OR4K2: variants seen among roughly 807,000 people sequenced by gnomAD.
OR4K2 encodes olfactory receptor 4K2.
OR4K2 carries 8 observed loss-of-function variants against 10.5 expected under a neutral mutation model. The ratio of observed to expected loss-of-function variants is 0.76; its 90% confidence interval spans 0.45 to 1.37. The LOEUF (loss-of-function observed/expected upper bound fraction) is 1.37, where lower values mean the gene tolerates loss of function less well. OR4K2 is among the 40% of genes most tolerant of loss of function. The pLI is 0.00. For synonymous variants in OR4K2, 178 were observed against 133.6 expected (o/e 1.33, Z -2.29); for missense variants, 547 against 379.5 (o/e 1.44, Z -3.67).
chr14:19,877,187 A>T lies in OR4K2; in HGVS notation c.920A>T (p.Asn307Ile), dbSNP rs12883767. The T allele has an allele frequency of 0.43, 657,429 of 1,517,176 alleles. 102,209 individuals are homozygous for T. The highest frequency in any genetic ancestry group is 0.48 in the Non-Finnish European group (529,854 of 1,115,004). The allele number at this position is 1,517,176 out of a possible 1,614,324, so 94.0% of individuals were successfully genotyped here. ...AGGAAACTGAAAAATAGGTTTCTAA[A>T]TTTTAATAAGGCAATGCCTTCATAG... The part of the protein sequence containing the change: ...AMRKLKNRFL[N>I]FNKAMPS Residue 307 changes from asparagine to isoleucine, a missense_variant, in exon 2 of 2, where the codon AAT (asparagine) becomes ATT (isoleucine). Transcript: ENST00000641885.
chr14:19,876,358 T>C lies in OR4K2; in HGVS notation c.91T>C (p.Phe31Leu). The stretch of plus-strand genomic sequence containing the variant: ...ACTACAGATGTTTTTCTTTATGGTG[T>C]TTTCATTGCTTTATGTGGCAACAAT... ...WELQMFFFMV[F>L]SLLYVATMVG... The change falls in exon 2 of 2, where the codon TTT becomes CTT. Residue 31 changes from phenylalanine to leucine, a missense_variant. Phe to Leu is a conservative substitution (Grantham distance 22). Coordinates refer to ENST00000641885, the MANE Select transcript of OR4K2 (RefSeq NM_001005501.2). 6.2e-7 allele frequency: 1 copy of C among 1,614,104 alleles called. No individual in the cohort carries two copies. The highest frequency in any genetic ancestry group is 1.6e-4 in the Middle Eastern group (1 of 6,062).
rs1881090219 is a variant in OR4K2, at chr14:19,883,546, T to C, written c.*6334T>C. 6.6e-6 allele frequency: 1 copy of C among 152,266 alleles called. No individual in the cohort carries two copies. The highest frequency in any genetic ancestry group is 1.5e-5 in the Non-Finnish European group (1 of 68,052). 9.4% of individuals were successfully genotyped at this position (152,266 alleles called of 1,614,324 possible). On this transcript the variant is annotated 3_prime_UTR_variant, in exon 2 of 2. Coordinates refer to ENST00000641885, the MANE Select transcript of OR4K2 (RefSeq NM_001005501.2). The stretch of plus-strand genomic sequence containing the variant: ...TCACTCACCCTAGCATACCATATAA[T>C]TAGAAGTTTGGAACTGATCTTTTAA...
Position 19,876,034 on chromosome 14 carries a change from A to G in OR4K2, c.-124A>G, listed in dbSNP as rs573958324. ...TATCAGAAAAGAAAGTGTTCTTTTC[A>G]ATACCTATGATTTAAGGAACATTTT... On this transcript the variant is annotated 5_prime_UTR_variant, in exon 1 of 2. Coordinates refer to ENST00000641885, the MANE Select transcript of OR4K2 (RefSeq NM_001005501.2). 19 of 487,298 alleles carry G rather than the reference A, an allele frequency of 3.9e-5. No individual in the cohort carries two copies. Among genetic ancestry groups the G allele is most frequent in the Non-Finnish European group, 6.1e-5 (17 of 277,962 alleles). The allele number at this position is 487,298 out of a possible 1,614,324, so 30.2% of individuals were successfully genotyped here. A position where few individuals can be genotyped will look rare whatever the true frequency, so the allele number is the denominator to read the frequency against.
chr14:19,876,830 C>A lies in OR4K2; in HGVS notation c.563C>A (p.Ala188Asp). 1 of 1,614,190 alleles carries A rather than the reference C, an allele frequency of 6.2e-7. No individual in the cohort carries two copies. The highest frequency in any genetic ancestry group is 8.5e-7 in the Non-Finnish European group (1 of 1,180,010). The change falls in exon 2 of 2, where the codon GCT (alanine) becomes GAT (aspartate). Residue 188 changes from alanine to aspartate, a missense_variant. Coordinates refer to ENST00000641885, the MANE Select transcript of OR4K2 (RefSeq NM_001005501.2). Reference protein sequence around the residue: ...FCDLPVVFQLACVDTYVLGLF... With the variant: ...FCDLPVVFQLDCVDTYVLGLF... ...GACCTTCCTGTGGTGTTCCAGTTGG[C>A]TTGTGTGGATACTTATGTTCTGGGC...
At position 19,879,868 on chromosome 14, in the gene OR4K2, G is replaced by C. The variant is rs915171111; in HGVS notation, c.*2656G>C. On this transcript the variant is annotated 3_prime_UTR_variant, in exon 2 of 2. Coordinates refer to ENST00000641885, the MANE Select transcript of OR4K2 (RefSeq NM_001005501.2). ...TGCATGGATTTCCTCGAAGGCCCTAGAATGGAAACTAACAACCTTTTATTA... is the reference window on the plus strand; with the variant it reads ...TGCATGGATTTCCTCGAAGGCCCTACAATGGAAACTAACAACCTTTTATTA... 2.6e-5 allele frequency: 4 copies of C among 152,302 alleles called. No individual in the cohort carries two copies. The highest frequency in any genetic ancestry group is 6.5e-5 in the Admixed American group (1 of 15,278). 9.4% of individuals were successfully genotyped at this position (152,302 alleles called of 1,614,324 possible).
In OR4K2 at chr14:19,876,026, T is replaced by C. The variant is rs1209550547; in HGVS notation, c.-132T>C. The C allele has an allele frequency of 2.1e-6, 1 of 466,102 alleles. No individual in the cohort carries two copies. The highest frequency in any genetic ancestry group is 3.8e-6 in the Non-Finnish European group (1 of 264,896). The allele number at this position is 466,102 out of a possible 1,614,324, so 28.9% of individuals were successfully genotyped here. A position where few individuals can be genotyped will look rare whatever the true frequency, so the allele number is the denominator to read the frequency against. On this transcript the variant is annotated 5_prime_UTR_variant, in exon 1 of 2. Coordinates refer to ENST00000641885, the MANE Select transcript of OR4K2 (RefSeq NM_001005501.2). ...GCCATTAGTATCAGAAAAGAAAGTG[T>C]TCTTTTCAATACCTATGATTTAAGG...
At position 19,877,198 on chromosome 14, in the gene OR4K2, G is replaced by C. The variant is rs777994488; in HGVS notation, c.931G>C (p.Ala311Pro). 6.3e-7 allele frequency: 1 copy of C among 1,579,592 alleles called. No homozygotes were observed. Among genetic ancestry groups the C allele is most frequent in the East Asian group, 2.2e-5 (1 of 44,820 alleles). The change falls in exon 2 of 2, where the codon GCA (alanine) becomes CCA (proline). Residue 311 changes from alanine (A) to proline (P), a missense_variant. Physicochemically the swap from Ala to Pro is conservative, Grantham distance 27. Coordinates refer to ENST00000641885, the MANE Select transcript of OR4K2 (RefSeq NM_001005501.2). ...LKNRFLNFNK[A>P]MPS ...AAATAGGTTTCTAAATTTTAATAAG[G>C]CAATGCCTTCATAGTTTTTGTGACA...
rs985853208 is a variant in OR4K2 at position 19,878,921 on chromosome 14, T to C, written c.*1709T>C. 1.3e-5 allele frequency: 2 copies of C among 152,258 alleles called. No homozygotes were observed. The highest frequency in any genetic ancestry group is 6.5e-5 in the Admixed American group (1 of 15,284). The allele number at this position is 152,258 out of a possible 1,614,324, so 9.4% of individuals were successfully genotyped here. A position where few individuals can be genotyped will look rare whatever the true frequency, so the allele number is the denominator to read the frequency against. On this transcript the variant is annotated 3_prime_UTR_variant, in exon 2 of 2. Coordinates refer to ENST00000641885, the MANE Select transcript of OR4K2 (RefSeq NM_001005501.2). ...AAAATGCTAGAAATAATTCTTTTAC[T>C]TGACATATTTCTTTGTCCAGGGAAT...
chr14:19,876,397 C>T lies in OR4K2; in HGVS notation c.130C>T (p.Leu44Phe). The part of the protein sequence containing the change: ...LYVATMVGNS[L>F]IVITVIVDPH... ...TGTGGCAACAATGGTGGGTAACAGCCTCATAGTCATCACAGTTATAGTGGA... is the reference window on the plus strand; with the variant it reads ...TGTGGCAACAATGGTGGGTAACAGCTTCATAGTCATCACAGTTATAGTGGA... Residue 44 changes from leucine (L) to phenylalanine (F), a missense_variant, in exon 2 of 2, where the codon CTC becomes TTC. Leu to Phe is a conservative substitution (Grantham distance 22). Coordinates refer to ENST00000641885, the MANE Select transcript of OR4K2 (RefSeq NM_001005501.2). The T allele has an allele frequency of 4.3e-6, 7 of 1,613,930 alleles. No individual in the cohort carries two copies. The highest frequency in any genetic ancestry group is 5.9e-6 in the Non-Finnish European group (7 of 1,179,900).
rs561629297 is a variant in OR4K2, at chr14:19,877,022, G to C, written c.755G>C (p.Gly252Ala). 1 of 1,613,508 alleles carries C rather than the reference G, an allele frequency of 6.2e-7. No individual in the cohort carries two copies. Among genetic ancestry groups the C allele is most frequent in the African/African-American group, 1.3e-5 (1 of 74,988 alleles). The change falls in exon 2 of 2, where the codon GGG becomes GCG. Residue 252 changes from glycine (G) to alanine (A), a missense_variant. Physicochemically the swap from Gly to Ala is moderately conservative, Grantham distance 60 (BLOSUM62 0). Coordinates refer to ENST00000641885, the MANE Select transcript of OR4K2 (RefSeq NM_001005501.2). ...TTCATTGTTGTCTTCTTGTTCTTTG[G>C]GCCATGCATCTTCATCTACATGTGG... ...AHFIVVFLFFGPCIFIYMWPL... is the reference protein window; with the variant it reads ...AHFIVVFLFFAPCIFIYMWPL...
chr14:19,878,321 TTCA>T lies in OR4K2; in HGVS notation c.*1111_*1113del. The stretch of plus-strand genomic sequence containing the variant: ...AATCATCTTTAAATGATGGCAAACA[TTCA>T]TGAGTTAACTCTTATTTAGAATTTT... On this transcript the variant is annotated 3_prime_UTR_variant, in exon 2 of 2. Transcript: ENST00000641885. The T allele has an allele frequency of 6.6e-6, 1 of 152,336 alleles. No homozygotes were observed. The allele number at this position is 152,336 out of a possible 1,614,324, so 9.4% of individuals were successfully genotyped here. A position where few individuals can be genotyped will look rare whatever the true frequency, so the allele number is the denominator to read the frequency against.
chr14:19,877,375 A>G lies in OR4K2; in HGVS notation c.*163A>G, dbSNP rs980350577. On this transcript the variant is annotated 3_prime_UTR_variant, in exon 2 of 2. Transcript: ENST00000641885. ...GTGTTCAAAATACATTTGAAATTTC[A>G]GAAAAGCAAGTTAAAAGAAATAAAG... 3.5e-6 allele frequency: 2 copies of G among 573,610 alleles called. No individual in the cohort carries two copies. Among genetic ancestry groups the G allele is most frequent in the Non-Finnish European group, 5.9e-6 (2 of 336,684 alleles). 35.5% of individuals were successfully genotyped at this position (573,610 alleles called of 1,614,324 possible). A position where few individuals can be genotyped will look rare whatever the true frequency, so the allele number is the denominator to read the frequency against.
rs146620419 is a variant in OR4K2, at chr14:19,876,888, G to A, written c.621G>A (p.Ala207=). The part of the protein sequence containing the change: ...LFMISTSGII[A]LSCFIVLFNS... ...TGATCTCAACAAGTGGCATAATTGC[G>A]TTGTCCTGTTTTATTGTTTTATTTA... is the stretch of plus-strand genomic sequence containing the variant. Residue 207 remains alanine (A), a synonymous_variant, in exon 2 of 2, where the codon GCG becomes GCA. Coordinates refer to ENST00000641885, the MANE Select transcript of OR4K2 (RefSeq NM_001005501.2). The A allele has an allele frequency of 1.0e-3, 1,680 of 1,613,950 alleles. No individual in the cohort carries two copies. Among genetic ancestry groups the A allele is most frequent in the African/African-American group, 3.5e-3 (260 of 75,032 alleles).
rs901755183 is a variant in OR4K2, at chr14:19,875,598, T to G, written c.-560T>G. The G allele has an allele frequency of 6.6e-6, 1 of 152,264 alleles. No individual in the cohort carries two copies. Among genetic ancestry groups the G allele is most frequent in the African/African-American group, 2.4e-5 (1 of 41,472 alleles). 9.4% of individuals were successfully genotyped at this position (152,264 alleles called of 1,614,324 possible). A position where few individuals can be genotyped will look rare whatever the true frequency, so the allele number is the denominator to read the frequency against. On this transcript the variant is annotated 5_prime_UTR_variant, in exon 1 of 2. Coordinates refer to ENST00000641885, the MANE Select transcript of OR4K2 (RefSeq NM_001005501.2). ...AAGGACCAAAAGAAGTTAAATGCCT[T>G]TCCTTTGTCTGTATGACTGTATTGT... is the stretch of plus-strand genomic sequence containing the variant.
Position 19,876,584 on chromosome 14 carries a change from T to G in OR4K2, c.317T>G (p.Leu106Arg). The change falls in exon 2 of 2, where the codon CTT becomes CGT. Residue 106 changes from leucine to arginine, a missense_variant. Physicochemically the swap from Leu to Arg is moderately radical, Grantham distance 102. Transcript: ENST00000641885. ...GCLTQIFFLH[L>R]FTGTEIILLM... ...CTTACCCAGATATTCTTTCTCCACC[T>G]TTTCACTGGAACTGAGATCATCTTA... 2.5e-6 allele frequency: 4 copies of G among 1,614,202 alleles called. No individual in the cohort carries two copies. Among genetic ancestry groups the G allele is most frequent in the Non-Finnish European group, 3.4e-6 (4 of 1,180,006 alleles).
Position 19,881,335 on chromosome 14 carries a change from C to T in OR4K2, c.*4123C>T, listed in dbSNP as rs1213806636. On this transcript the variant is annotated 3_prime_UTR_variant, in exon 2 of 2. Transcript: ENST00000641885. The stretch of plus-strand genomic sequence containing the variant: ...TTGTTGTTTGGAATTATTTTTAATG[C>T]TCTTGGTTACACCATGAGGTAAATA... The T allele has an allele frequency of 1.3e-5, 2 of 152,210 alleles. No individual in the cohort carries two copies. The highest frequency in any genetic ancestry group is 2.1e-4 in the South Asian group (1 of 4,834). The allele number at this position is 152,210 out of a possible 1,614,324, so 9.4% of individuals were successfully genotyped here.
rs996144085 is a variant in OR4K2 at position 19,875,517 on chromosome 14, A to G, written c.-641A>G. ...TATATCCTTTGTGATATAAAATTTTAAATCATAGAATTATAAATATTTATA... is the reference window on the plus strand; with the variant it reads ...TATATCCTTTGTGATATAAAATTTTGAATCATAGAATTATAAATATTTATA... On this transcript the variant is annotated 5_prime_UTR_variant, in exon 1 of 2. The change abolishes the stop of an existing upstream ORF in the 5' untranslated region. Transcript: ENST00000641885. 9.2e-5 allele frequency: 14 copies of G among 152,362 alleles called. No homozygotes were observed. Among genetic ancestry groups the G allele is most frequent in the African/African-American group, 3.4e-4 (14 of 41,598 alleles). The allele number at this position is 152,362 out of a possible 1,614,324, so 9.4% of individuals were successfully genotyped here. A position where few individuals can be genotyped will look rare whatever the true frequency, so the allele number is the denominator to read the frequency against.
chr14:19,880,525 G>T lies in OR4K2; in HGVS notation c.*3313G>T, dbSNP rs1183734326. 1 of 152,134 alleles carries T rather than the reference G, an allele frequency of 6.6e-6. No homozygotes were observed. The highest frequency in any genetic ancestry group is 1.5e-5 in the Non-Finnish European group (1 of 68,016). 9.4% of individuals were successfully genotyped at this position (152,134 alleles called of 1,614,324 possible). ...AACACTTGACTTGTTTAATTTAAAA[G>T]GTAAATTTTCATTTATATGTTTTAA... On this transcript the variant is annotated 3_prime_UTR_variant, in exon 2 of 2. Transcript: ENST00000641885.
In OR4K2 at chr14:19,877,009, T is replaced by C; in HGVS notation, c.742T>C (p.Phe248Leu). ...STCTAHFIVV[F>L]LFFGPCIFIY... ...TTGTACAGCTCATTTCATTGTTGTC[T>C]TCTTGTTCTTTGGGCCATGCATCTT... Residue 248 changes from phenylalanine (F) to leucine (L), a missense_variant, in exon 2 of 2, where the codon TTC becomes CTC. Transcript: ENST00000641885. The C allele has an allele frequency of 6.2e-7, 1 of 1,613,314 alleles. No homozygotes were observed. The highest frequency in any genetic ancestry group is 8.5e-7 in the Non-Finnish European group (1 of 1,179,938).
Sources: gnomAD v4.1 joint callset for allele counts on GRCh38, gnomAD v4.1.1 for gene constraint, MANE v1.5 for transcripts, NCBI Gene and HGNC (gene_info 2026-07-23, HGNC 2026-07-21) for gene names.